Variants in SASH1 observed in about 807,000 individuals in gnomAD.
SASH1 encodes SAM and SH3 domain-containing protein 1.
SASH1 carries 44 observed loss-of-function variants against 125.2 expected under a neutral mutation model. The ratio of observed to expected loss-of-function variants is 0.35; its 90% CI spans 0.28 to 0.45. The LOEUF is 0.45. SASH1 is among the 20% of genes least tolerant of loss of function. The pLI is 1.00. For missense variants in SASH1, 1,426 were observed against 1,614.5 expected (o/e 0.88, Z 2.00); for synonymous variants, 639 against 649.1 (o/e 0.98, Z 0.24).
At chr6:148,249,632 A>C in the SASH1 span, among the ~76,000 whole-genome samples, 1 of 152,168 alleles carries the variant, frequency 6.6e-6, no homozygotes, top group Non-Finnish European at 1.5e-5. Context: ...AGTGATAATA[A>C]CATTTACCTC....
chr6:148,343,076 C>T lies in SASH1; in HGVS notation c.9C>T (p.Asp3=). 1 of 1,508,792 alleles carries T rather than the reference C, an allele frequency of 6.6e-7. No homozygotes were observed. The highest frequency in any genetic ancestry group is 1.3e-5 in the South Asian group (1 of 79,960). The allele number at this position is 1,508,792 out of a possible 1,614,324, so 93.5% of individuals were successfully genotyped here. The change falls in exon 1 of 20, where the codon GAC becomes GAT. Residue 3 remains aspartate, a synonymous_variant. Transcript: ENST00000367467. ME[D]AGAAGPGPEP... ...GCGCGCGGGACACGGCCATGGAGGACGCGGGAGCAGCTGGCCCGGGGCCGG... is the reference window on the plus strand; with the variant it reads ...GCGCGCGGGACACGGCCATGGAGGATGCGGGAGCAGCTGGCCCGGGGCCGG...
chr6:148,402,846 T>C (rs1279208569), intron 2 of SASH1, among the ~76,000 whole-genome samples: 2 of 151,988 alleles, frequency 1.3e-5, no homozygotes, highest in Non-Finnish European at 2.9e-5. Flanking sequence ...CCTGACCTCG[T>C]GATCTGCCTG....
chr6:148,469,497 C>T (rs543594466), intron 5 of SASH1, among the ~76,000 whole-genome samples: 3 of 152,216 alleles, frequency 2.0e-5, no homozygotes, highest in South Asian at 4.1e-4. Flanking sequence ...ATTTGGGAGG[C>T]CAAGGAGGGA....
At chr6:148,196,113 A>C in the SASH1 span, among the ~76,000 whole-genome samples, 1 of 152,194 alleles carries the variant, frequency 6.6e-6, no homozygotes, top group Non-Finnish European at 1.5e-5. Flanking sequence ...TGGTTCTTCC[A>C]TCAAGAGTTC....
At chr6:148,393,065 A>G (rs1480531098) in intron 2 of SASH1, among the ~76,000 whole-genome samples, 6 of 60,220 alleles carry the variant, frequency 1.0e-4, no homozygotes, top group African/African-American at 4.0e-4. Context: ...TTTTTTTTTG[A>G]GATGGAGTTT....
Position 148,519,527 on chromosome 6 carries a change from C to T in SASH1, c.863-20C>T, listed in dbSNP as rs372308400. 2.5e-6 allele frequency: 4 copies of T among 1,588,454 alleles called. No individual in the cohort carries two copies. In the South Asian group the frequency reaches 3.3e-5, roughly 13 times the overall value. On this transcript the variant is annotated intron_variant, in intron 9 of 19. Transcript: ENST00000367467. The surrounding 1 kb of genome is among the most constrained non-coding windows in gnomAD (Gnocchi z 4.8). ...AATGCAAAGGTGTGTTCACAAGAGA[C>T]TCTGTTGGTTTCCCTCCAGGTGGGG...
At chr6:148,262,750 G>A in the SASH1 span, among the ~76,000 whole-genome samples, 3 of 152,282 alleles carry the variant, frequency 2.0e-5, no homozygotes, top group South Asian at 6.2e-4. Context: ...AGGCATGGTG[G>A]CAGGCACCTG....
At chr6:148,321,149 T>C (rs185814919) in intron 1 of SASH1, among the ~76,000 whole-genome samples, 3 of 152,166 alleles carry the variant, frequency 2.0e-5, no homozygotes, top group Non-Finnish European at 4.4e-5. Flanking sequence ...TCCCATGCCT[T>C]GTGAGGCCAA....
At chr6:148,306,408 A>G (rs919257908) in intron 1 of SASH1, among the ~76,000 whole-genome samples, 1 of 152,190 alleles carries the variant, frequency 6.6e-6, no homozygotes, top group Non-Finnish European at 1.5e-5. Context: ...CCAAGGTTCC[A>G]GGCCTCAGCT....
At chr6:148,354,131 C>T (rs903286360) in intron 1 of SASH1, among the ~76,000 whole-genome samples, 1 of 152,098 alleles carries the variant, frequency 6.6e-6, no homozygotes, top group African/African-American at 2.4e-5. Context: ...CACCATTGCA[C>T]TCCAGCCTGG....
intron 1 of SASH1, among the ~76,000 whole-genome samples, chr6:148,385,711 A>G (rs1328202624): frequency 6.6e-6 from 1 of 152,180 alleles, no homozygotes; most frequent in East Asian, 1.9e-4. Flanking sequence ...AAAAACCCCA[A>G]AAGACTGGGT....
chr6:148,402,373 C>T (rs1784203953), intron 2 of SASH1, among the ~76,000 whole-genome samples: 3 of 152,224 alleles, frequency 2.0e-5, no homozygotes, highest in South Asian at 2.1e-4. Flanking sequence ...TGAAGTGGTG[C>T]GATCTCAGCT....
At chr6:148,212,856 T>G in the SASH1 span, among the ~76,000 whole-genome samples, 1 of 152,062 alleles carries the variant, frequency 6.6e-6, no homozygotes, top group South Asian at 2.1e-4. Flanking sequence ...CCACAACCAG[T>G]GGAAAGTAAC....
At chr6:148,257,789 C>A in the SASH1 span, among the ~76,000 whole-genome samples, 1 of 152,028 alleles carries the variant, frequency 6.6e-6, no homozygotes, top group East Asian at 1.9e-4. Flanking sequence ...TGCCACCACG[C>A]CCAGCTAATT....
At chr6:148,451,318 A>G (rs904899814) in intron 4 of SASH1, among the ~76,000 whole-genome samples, 1 of 152,234 alleles carries the variant, frequency 6.6e-6, no homozygotes, top group Non-Finnish European at 1.5e-5. Flanking sequence ...GTCTCCCCAG[A>G]CTGACGGTGT....
the SASH1 span, among the ~76,000 whole-genome samples, chr6:148,235,526 T>C: frequency 9.8e-5 from 15 of 152,302 alleles, no homozygotes; most frequent in African/African-American, 3.6e-4. Context: ...TATGTATTTG[T>C]GCGTGGTTTT....
chr6:148,542,569 A>G (rs777284530), intron 17 of SASH1, among the ~76,000 whole-genome samples: 2 of 152,004 alleles, frequency 1.3e-5, no homozygotes, highest in African/African-American at 4.8e-5. Flanking sequence ...TATATTTTTT[A>G]TGAGAGACGG....
At chr6:148,266,093 C>A in the SASH1 span, among the ~76,000 whole-genome samples, 1 of 152,196 alleles carries the variant, frequency 6.6e-6, no homozygotes, top group East Asian at 1.9e-4. Flanking sequence ...CTGCCTCAGC[C>A]TCCTGAGTAG....
chr6:148,199,280 G>A, the SASH1 span, among the ~76,000 whole-genome samples: 1 of 152,050 alleles, frequency 6.6e-6, no homozygotes, highest in African/African-American at 2.4e-5. Context: ...AGGCTGAGCA[G>A]GAGAATCACT....
Sources: gnomAD v4.1 joint callset for allele counts (sites outside exome capture counted in the v4.1 genomes callset) on GRCh38, gnomAD v4.1.1 for gene constraint, Gnocchi (gnomAD v3.1) non-coding constraint, MANE v1.5 for transcripts, NCBI Gene and HGNC (gene_info 2026-07-23, HGNC 2026-07-21) for gene names.